Variants in SLC2A12 observed in about 807,000 individuals in gnomAD.
SLC2A12 encodes solute carrier family 2, facilitated glucose transporter member 12.
Under a neutral mutation model 41.8 loss-of-function variants are expected in SLC2A12, and 23 were observed. The ratio of observed to expected loss-of-function variants is 0.55; its 90% CI spans 0.40 to 0.78. The LOEUF is 0.78. Ranked by LOEUF, SLC2A12 falls within the 30% of genes least tolerant of loss-of-function variation. The pLI, the probability that SLC2A12 is intolerant of heterozygous loss-of-function variation, is 0.00. For missense variants in SLC2A12, 654 were observed against 745.6 expected (o/e 0.88, Z 1.43); for synonymous variants, 295 against 285.9 (o/e 1.03, Z -0.32).
chr6:134,043,482 C>T (rs900246613), intron 1 of SLC2A12, among the ~76,000 whole-genome samples: 33 of 152,042 alleles, frequency 2.2e-4, no homozygotes, highest in Non-Finnish European at 1.3e-4. Flanking sequence ...TCACCACTAC[C>T]GTCACTTTTA....
At position 134,039,637 on chromosome 6, in the gene SLC2A12, T is replaced by C. The variant is rs556286892; in HGVS notation, c.104-9916A>G. ...TGATACAGTTTTTTTTTAATCACAA[T>C]TGATGTCCCATTCCAAGACTGTGAT... On this transcript the variant is annotated intron_variant, in intron 1 of 4. Coordinates refer to ENST00000275230, the MANE Select transcript of SLC2A12 (RefSeq NM_145176.3). Among the ~76,000 whole-genome samples the C allele has an allele frequency of 3.5e-4, 54 of 152,354 alleles. 1 individual carries two copies. The South Asian group carries it at 0.011, about 30-fold the overall frequency.
Position 133,991,070 on chromosome 6 carries a change from G to T in SLC2A12, c.*85C>A. The T allele has an allele frequency of 6.9e-7, 1 of 1,443,464 alleles. No individual in the cohort carries two copies. Among genetic ancestry groups the T allele is most frequent in the Non-Finnish European group, 9.3e-7 (1 of 1,071,354 alleles). 89.4% of individuals were successfully genotyped at this position (1,443,464 alleles called of 1,614,324 possible). A position where few individuals can be genotyped will look rare whatever the true frequency, so the allele number is the denominator to read the frequency against. ...CCAGTTCCATGACACTGAAAAGAGAGCACAGGAGTCGCAACTATGCATTGG... is the reference window on the plus strand; with the variant it reads ...CCAGTTCCATGACACTGAAAAGAGATCACAGGAGTCGCAACTATGCATTGG... On this transcript the variant is annotated 3_prime_UTR_variant, in exon 5 of 5. Transcript: ENST00000275230.
chr6:133,999,656 C>G (rs529489027), intron 4 of SLC2A12, among the ~76,000 whole-genome samples: 1 of 152,326 alleles, frequency 6.6e-6, no homozygotes, highest in South Asian at 2.1e-4. Context: ...CCAGCACCTA[C>G]TGCCACCTAT....
chr6:134,007,082 A>T, intron 2 of SLC2A12, 148 bp from the exon 3 acceptor site: 2 of 1,123,282 alleles, frequency 1.8e-6, no homozygotes, highest in Non-Finnish European at 1.2e-6. Context: ...AGAACAGGAC[A>T]GTAAAGGGAC....
rs547180501 is a variant in SLC2A12, at chr6:133,997,189, G to A, written c.1700+4808C>T. 4.4e-3 allele frequency among the ~76,000 whole-genome samples: 669 copies of A among 151,758 alleles called. 5 individuals are homozygous for A. The highest frequency in any genetic ancestry group is 0.016 in the African/African-American group (643 of 41,386). ...GGAGAATGGTGTTAACCTGGGAGGC[G>A]GAGCTTACAGTGAGCTGAGCTCATG... On this transcript the variant is annotated intron_variant, in intron 4 of 4. Transcript: ENST00000275230.
chr6:134,049,376 A>G (rs1477401388), intron 1 of SLC2A12, among the ~76,000 whole-genome samples: 1 of 152,156 alleles, frequency 6.6e-6, no homozygotes, highest in African/African-American at 2.4e-5. Context: ...TCCCCAGCCA[A>G]TTGTTTGGAT....
Position 133,994,091 on chromosome 6 carries a change from A to C in SLC2A12, c.1701-2783T>G, listed in dbSNP as rs187096520. The stretch of plus-strand genomic sequence containing the variant: ...TTCAGGATGGAGATCATGGTGACTC[A>C]GACCAGGGCAGCCGTGAAGGTGTTC... On this transcript the variant is annotated intron_variant, in intron 4 of 4. Transcript: ENST00000275230. Among the ~76,000 whole-genome samples, 417 of 152,354 alleles carry C rather than the reference A, an allele frequency of 2.7e-3. 2 individuals are homozygous for C. The highest frequency in any genetic ancestry group is 2.2e-3 in the Non-Finnish European group (148 of 68,036).
chr6:134,034,659 A>G (rs1232545736), intron 1 of SLC2A12, among the ~76,000 whole-genome samples: 3 of 152,206 alleles, frequency 2.0e-5, no homozygotes, highest in African/African-American at 7.2e-5. Context: ...ACAGGAAGCA[A>G]GAGATCAGAA....
chr6:134,033,905 A>G (rs1777257257), intron 1 of SLC2A12, among the ~76,000 whole-genome samples: 1 of 151,890 alleles, frequency 6.6e-6, no homozygotes, highest in African/African-American at 2.4e-5. Context: ...AGAGCTCCTG[A>G]CAGAAGAGGG....
intron 1 of SLC2A12, among the ~76,000 whole-genome samples, chr6:134,040,679 A>T (rs1777370906): frequency 6.6e-6 from 1 of 152,234 alleles, no homozygotes; most frequent in Admixed American, 6.5e-5. Context: ...GAGGCTTGGG[A>T]CAAGGATTTA....
chr6:134,048,078 C>T (rs1219821199), intron 1 of SLC2A12, among the ~76,000 whole-genome samples: 1 of 152,224 alleles, frequency 6.6e-6, no homozygotes, highest in Non-Finnish European at 1.5e-5. Context: ...ACCATGTTCG[C>T]AGCCTTTTCC....
Position 134,042,946 on chromosome 6 carries a change from G to A in SLC2A12, c.103+9432C>T, listed in dbSNP as rs187508694. Among the ~76,000 whole-genome samples, 1,080 of 150,918 alleles carry A rather than the reference G, an allele frequency of 7.2e-3. 7 individuals are homozygous for A. Among genetic ancestry groups the A allele is most frequent in the African/African-American group, 0.025 (1,020 of 41,012 alleles). On this transcript the variant is annotated intron_variant, in intron 1 of 4. Transcript: ENST00000275230. ...TCTGCCACTGCACCCCAGCCTGGGCGACAGAGTAACACTCTGTCTCAAAAC... is the reference window on the plus strand; with the variant it reads ...TCTGCCACTGCACCCCAGCCTGGGCAACAGAGTAACACTCTGTCTCAAAAC...
chr6:134,001,964 T>C, intron 4 of SLC2A12, 33 bp downstream of exon 4: 1 of 1,595,140 alleles, frequency 6.3e-7, no homozygotes, highest in African/African-American at 1.4e-5. Flanking sequence ...GACCAAAGAG[T>C]ATTGTTCAGA....
chr6:134,033,343 C>T (rs988643131), intron 1 of SLC2A12, among the ~76,000 whole-genome samples: 3 of 152,146 alleles, frequency 2.0e-5, no homozygotes, highest in Non-Finnish European at 2.9e-5. Context: ...TTCATGTCCA[C>T]GGTTTCCATA....
Position 133,990,014 on chromosome 6 carries a change from G to GT in SLC2A12, c.*1140dup, listed in dbSNP as rs1448603467. The stretch of plus-strand genomic sequence containing the variant: ...TTTCTATCATACCCAAATTTTATTA[G>GT]TAAGACCTCTTAACAAGTCTTTAAA... On this transcript the variant is annotated 3_prime_UTR_variant, in exon 5 of 5. Coordinates refer to ENST00000275230, the MANE Select transcript of SLC2A12 (RefSeq NM_145176.3). 6.6e-6 allele frequency: 1 copy of GT among 152,380 alleles called. No individual in the cohort carries two copies. The highest frequency in any genetic ancestry group is 2.4e-5 in the African/African-American group (1 of 41,418). The allele number at this position is 152,380 out of a possible 1,614,324, so 9.4% of individuals were successfully genotyped here. A position where few individuals can be genotyped will look rare whatever the true frequency, so the allele number is the denominator to read the frequency against.
chr6:134,022,569 A>G (rs1348428140), intron 2 of SLC2A12, among the ~76,000 whole-genome samples: 4 of 84,830 alleles, frequency 4.7e-5, no homozygotes. Flanking sequence ...AAAAGAAAAG[A>G]AAAGAAAAGA....
In SLC2A12 at chr6:134,006,948, A is replaced by G; in HGVS notation, c.1445-14T>C. On this transcript the variant is annotated splice_polypyrimidine_tract_variant and intron_variant, in intron 2 of 4. Coordinates refer to ENST00000275230, the MANE Select transcript of SLC2A12 (RefSeq NM_145176.3). ...CCAGCCAGGGCACTAGAAGAAAGGC[A>G]AGAGTGGGTGGCGGACAGCACATTT... is the stretch of plus-strand genomic sequence containing the variant. The G allele has an allele frequency of 6.2e-7, 1 of 1,613,864 alleles. No homozygotes were observed. Among genetic ancestry groups the G allele is most frequent in the Non-Finnish European group, 8.5e-7 (1 of 1,179,848 alleles).
intron 4 of SLC2A12, among the ~76,000 whole-genome samples, chr6:134,000,676 C>T (rs1776744732): frequency 6.6e-6 from 1 of 152,118 alleles, no homozygotes; most frequent in Non-Finnish European, 1.5e-5. Flanking sequence ...CACCTCTTCC[C>T]CCAGGACATG....
At chr6:134,006,747 G>A (rs1776820956) in intron 3 of SLC2A12, 65 bp downstream of exon 3, 18 of 1,595,150 alleles carry the variant, frequency 1.1e-5, no homozygotes, top group Non-Finnish European at 1.5e-5. Context: ...CTTTAGGTGG[G>A]TGTGATTCCC....
Sources: gnomAD v4.1 joint callset for allele counts (sites outside exome capture counted in the v4.1 genomes callset) on GRCh38, gnomAD v4.1.1 for gene constraint, MANE v1.5 for transcripts, NCBI Gene and HGNC (gene_info 2026-07-23, HGNC 2026-07-21) for gene names.